The following KIAA0586 variants were observed in gnomAD, a reference collection of about 807,000 sequenced individuals.
The protein encoded by KIAA0586 is protein TALPID3.
KIAA0586 carries 144 observed loss-of-function variants against 169.8 expected under a neutral mutation model. The ratio of observed to expected loss-of-function variants is 0.85; its 90% CI spans 0.74 to 0.97. KIAA0586 has a LOEUF of 0.97. Among genes scored for constraint, KIAA0586 ranks in the 50% least tolerant of loss-of-function variants. The pLI is 0.00. For missense variants in KIAA0586, 1,854 were observed against 1,823.0 expected (o/e 1.02, Z -0.31); for synonymous variants, 625 against 612.4 (o/e 1.02, Z -0.30).
intron 28 of KIAA0586, among the ~76,000 whole-genome samples, chr14:58,511,579 AG>A (rs2044388557): frequency 1.3e-5 from 2 of 152,226 alleles, no homozygotes; most frequent in Non-Finnish European, 2.9e-5. Context: ...CCAGAGCCAG[AG>A]GTAGTCCTAG....
At chr14:58,558,449 T>C in the KIAA0586 span, among the ~76,000 whole-genome samples, 1 of 152,212 alleles carries the variant, frequency 6.6e-6, no homozygotes, top group Non-Finnish European at 1.5e-5. Context: ...TGAAGTCTTA[T>C]AGCAGGAGAA....
At chr14:58,472,809 A>G (rs576033706) in intron 18 of KIAA0586, among the ~76,000 whole-genome samples, 299 of 151,188 alleles carry the variant, frequency 2.0e-3, no homozygotes, top group African/African-American at 7.0e-3. Flanking sequence ...CCATTATGTC[A>G]TTAGACTTTA....
chr14:58,499,052 A>C, intron 27 of KIAA0586, 92 bp downstream of exon 27: 1 of 1,141,832 alleles, frequency 8.8e-7, no homozygotes, highest in African/African-American at 1.6e-5. Flanking sequence ...AGGGGCTTGC[A>C]AAATTTCTTT....
chr14:58,529,148 A>T (rs1036043101), intron 29 of KIAA0586, among the ~76,000 whole-genome samples: 1 of 152,210 alleles, frequency 6.6e-6, no homozygotes, highest in African/African-American at 2.4e-5. Flanking sequence ...TCCCAAGACT[A>T]AACCAGGAAG....
At position 58,471,832 on chromosome 14, in the gene KIAA0586, A is replaced by G. The variant is rs1969736; in HGVS notation, c.2554-367A>G. ...TCCTGAATTATTTGATTCTGTATCC[A>G]TCTTCATGTGAGTTCATATATGTTT... On this transcript the variant is annotated intron_variant, in intron 17 of 30. Coordinates refer to ENST00000652326, the MANE Select transcript of KIAA0586 (RefSeq NM_001329943.3). 3.3e-5 allele frequency among the ~76,000 whole-genome samples: 5 copies of G among 152,160 alleles called. No homozygotes were observed. In the East Asian group the frequency reaches 7.7e-4, roughly 23 times the overall value.
chr14:58,509,151 C>T, intron 28 of KIAA0586, among the ~76,000 whole-genome samples: 1 of 152,010 alleles, frequency 6.6e-6, no homozygotes, highest in South Asian at 2.1e-4. Flanking sequence ...GCCCGGGAGG[C>T]AGAAGTTGCA....
At chr14:58,507,354 ATAAT>A (rs1050596483) in intron 27 of KIAA0586, among the ~76,000 whole-genome samples, 33 of 140,906 alleles carry the variant, frequency 2.3e-4, no homozygotes, top group African/African-American at 9.2e-4. Context: ...AATATCATAT[ATAAT>A]ATATCATATA....
At chr14:58,442,651 T>G in intron 4 of KIAA0586, 55 bp from the exon 5 acceptor site, 1 of 1,261,784 alleles carries the variant, frequency 7.9e-7, no homozygotes, top group Non-Finnish European at 1.1e-6. Context: ...AAGTATTTCT[T>G]GAAATGTTTC....
At chr14:58,520,181 C>CT (rs2045096179) in intron 29 of KIAA0586, among the ~76,000 whole-genome samples, 1 of 152,170 alleles carries the variant, frequency 6.6e-6, no homozygotes. Flanking sequence ...TTCATTCACT[C>CT]TTTCTTTTTA....
downstream of KIAA0586, among the ~76,000 whole-genome samples, chr14:58,554,037 T>C (rs2047231210): frequency 6.6e-6 from 1 of 152,038 alleles, no homozygotes; most frequent in South Asian, 2.1e-4. Context: ...GGCAGGGAAA[T>C]GGAGGTAACT....
intron 29 of KIAA0586, among the ~76,000 whole-genome samples, chr14:58,523,486 G>T (rs2045363974): frequency 6.6e-6 from 1 of 151,782 alleles, no homozygotes; most frequent in Non-Finnish European, 1.5e-5. Context: ...ATATCAAATT[G>T]ATATAAAATA....
At position 58,548,526 on chromosome 14, in the gene KIAA0586, T is replaced by G. The variant is rs1397920609; in HGVS notation, c.*594T>G. ...TTCAAATGTATGGTATGTCACATAT[T>G]CTTACATGTATTTGCTTGTAAATAT... On this transcript the variant is annotated 3_prime_UTR_variant, in exon 31 of 31. Coordinates refer to ENST00000652326, the MANE Select transcript of KIAA0586 (RefSeq NM_001329943.3). 1 of 152,228 alleles carries G rather than the reference T, an allele frequency of 6.6e-6. No homozygotes were observed. Among genetic ancestry groups the G allele is most frequent in the South Asian group, 2.1e-4 (1 of 4,834 alleles). The allele number at this position is 152,228 out of a possible 1,614,324, so 9.4% of individuals were successfully genotyped here.
intron 18 of KIAA0586, among the ~76,000 whole-genome samples, chr14:58,473,349 A>T (rs2041368673): frequency 6.6e-6 from 1 of 152,164 alleles, no homozygotes; most frequent in African/African-American, 2.4e-5. Flanking sequence ...AATGCAATTC[A>T]TGTTATTTAT....
chr14:58,527,617 G>A (rs1427976720), intron 29 of KIAA0586, among the ~76,000 whole-genome samples: 2 of 152,284 alleles, frequency 1.3e-5, no homozygotes, highest in African/African-American at 2.4e-5. Context: ...AGCTTCATAA[G>A]TGAAGGAGAA....
chr14:58,442,168 G>C (rs1261099537), intron 4 of KIAA0586, among the ~76,000 whole-genome samples: 1 of 151,978 alleles, frequency 6.6e-6, no homozygotes, highest in Non-Finnish European at 1.5e-5. Flanking sequence ...GGAGTGCAGT[G>C]GCGCAATCCT....
intron 23 of KIAA0586, 119 bp from the exon 24 acceptor site, chr14:58,488,502 G>A: frequency 8.8e-7 from 1 of 1,135,902 alleles, no homozygotes; most frequent in Non-Finnish European, 1.2e-6. Flanking sequence ...TTATAGTAGT[G>A]CAGATTTAAA....
At chr14:58,543,805 A>G in intron 30 of KIAA0586, 1 of 415,978 alleles carries the variant, frequency 2.4e-6, no homozygotes, top group South Asian at 1.8e-5. Context: ...ATTTTTATAG[A>G]TCCGTCTCCC....
Position 58,538,531 on chromosome 14 carries a change from C to T in KIAA0586, c.4430-1540C>T, listed in dbSNP as rs117507520. Among the ~76,000 whole-genome samples, 1,402 of 152,188 alleles carry T rather than the reference C, an allele frequency of 9.2e-3. 12 individuals are homozygous for T. Among genetic ancestry groups the T allele is most frequent in the Non-Finnish European group, 0.014 (969 of 68,014 alleles). On this transcript the variant is annotated intron_variant, in intron 29 of 30. Coordinates refer to ENST00000652326, the MANE Select transcript of KIAA0586 (RefSeq NM_001329943.3). The stretch of plus-strand genomic sequence containing the variant: ...ACAGGCATGCAGTGTGTAATAATCA[C>T]ATCAGGGTAAATGGAGTATGCATCT...
intron 27 of KIAA0586, 116 bp from the exon 28 acceptor site, chr14:58,508,439 T>C: frequency 1.3e-6 from 1 of 784,188 alleles, no homozygotes; most frequent in South Asian, 1.9e-5. Context: ...TGAAGTACAC[T>C]GCTAGTTCTA....
Sources: gnomAD v4.1 joint callset for allele counts (sites outside exome capture counted in the v4.1 genomes callset) on GRCh38, gnomAD v4.1.1 for gene constraint, MANE v1.5 for transcripts, NCBI Gene and HGNC (gene_info 2026-07-23, HGNC 2026-07-21) for gene names.